Variants in COMMD5 observed in about 807,000 individuals in gnomAD.
COMMD5 encodes the protein COMM domain-containing protein 5.
In COMMD5, 10 loss-of-function variants were observed where a neutral mutation model predicts 6.9. The observed-to-expected ratio is 1.44, with a 90% CI of 0.89 to 2.45. The LOEUF (loss-of-function observed/expected upper bound fraction) is 2.45, where lower values mean the gene tolerates loss of function less well. Among genes scored for constraint, COMMD5 ranks in the 30% most tolerant of loss-of-function variants. COMMD5 has a pLI of 0.00. For synonymous variants in COMMD5, 127 were observed against 125.3 expected (o/e 1.01, Z -0.09); for missense variants, 234 against 287.8 (o/e 0.81, Z 1.35).
At chr8:144,841,831 A>G in intron 1 of COMMD5, 2 of 1,614,218 alleles carry the variant, frequency 1.2e-6, no homozygotes, top group East Asian at 2.2e-5. Flanking sequence ...GAAACATACA[A>G]ATAACTGCCA....
intron 1 of COMMD5, among the ~76,000 whole-genome samples, chr8:144,844,261 A>G (rs1830352133): frequency 6.6e-6 from 1 of 152,162 alleles, no homozygotes; most frequent in African/African-American, 2.4e-5. Flanking sequence ...ACTCAAGCAA[A>G]TGCAAGTACC....
intron 1 of COMMD5, chr8:144,842,618 A>G (rs1318813438): frequency 1.2e-6 from 2 of 1,614,138 alleles, no homozygotes; most frequent in Non-Finnish European, 1.7e-6. Context: ...GACTGTGGAA[A>G]AGCCTTCAGT....
downstream of COMMD5, chr8:144,847,050 T>C (rs912211739): frequency 1.3e-5 from 2 of 152,140 alleles, no homozygotes; most frequent in Non-Finnish European, 1.5e-5. Flanking sequence ...ATCATGTCCA[T>C]GGGGCAGCTT....
rs145425990 is a variant in COMMD5 at position 144,850,852 on chromosome 8, T to G, written c.487A>C (p.Ile163Leu). The G allele has an allele frequency of 1.9e-6, 3 of 1,613,572 alleles. No homozygotes were observed. Among genetic ancestry groups the G allele is most frequent in the Non-Finnish European group, 2.5e-6 (3 of 1,179,960 alleles). The change falls in exon 2 of 2, where the codon ATC becomes CTC. Residue 163 changes from isoleucine (I) to leucine (L), a missense_variant. Transcript: ENST00000305103. The surrounding 1 kb of genome is among the most constrained non-coding windows in gnomAD (Gnocchi z 4.0). The part of the protein sequence containing the change: ...ADFRWRVDVA[I>L]STSALARSLQ... ...GAGCGAGCCAGGGCACTGGTGGAGA[T>G]TGCTACATCCACCCGCCACCGAAAG...
chr8:144,843,134 G>A, intron 1 of COMMD5: 1 of 1,598,374 alleles, frequency 6.3e-7, no homozygotes, highest in Non-Finnish European at 8.5e-7. Flanking sequence ...CGTAGCTCAA[G>A]GCTTACCCAG....
At chr8:144,838,322 A>G (rs1460260657), downstream of COMMD5, 1 of 579,352 alleles carries the variant, frequency 1.7e-6, no homozygotes, top group African/African-American at 1.9e-5. Context: ...ACAAGGTCAC[A>G]TTCTGAGGTG....
chr8:144,841,271 T>C, exon 2 of COMMD5: 1 of 1,410,216 alleles, frequency 7.1e-7, no homozygotes, highest in Non-Finnish European at 9.6e-7. Context: ...CCTGGGAGCC[T>C]TGAGCCCTGG....
chr8:144,844,465 C>G (rs1291400420), intron 1 of COMMD5, among the ~76,000 whole-genome samples: 1 of 151,576 alleles, frequency 6.6e-6, no homozygotes, highest in Non-Finnish European at 1.5e-5. Context: ...AATCCCAGCA[C>G]TTTGGGAGGT....
intron 1 of COMMD5, chr8:144,843,456 C>CGG (rs1586847263): frequency 4.0e-6 from 1 of 247,222 alleles, no homozygotes; most frequent in Non-Finnish European, 7.7e-6. Context: ...GGCGTGGTGG[C>CGG]AGGCACCTGT....
chr8:144,840,105 G>A (rs1296711562), downstream of COMMD5, among the ~76,000 whole-genome samples: 4 of 152,192 alleles, frequency 2.6e-5, no homozygotes, highest in African/African-American at 9.7e-5. Context: ...TGGCCACCCT[G>A]CTCTCTTATC....
At chr8:144,849,318 C>T (rs765535335), downstream of COMMD5, among the ~76,000 whole-genome samples, 1 of 152,170 alleles carries the variant, frequency 6.6e-6, no homozygotes, top group East Asian at 1.9e-4. Context: ...GCTGAGTGAT[C>T]GACCAGATGG....
Position 144,841,496 on chromosome 8 carries a change from T to G in COMMD5, c.*364A>C. 1 of 1,614,162 alleles carries G rather than the reference T, an allele frequency of 6.2e-7. No homozygotes were observed. Among genetic ancestry groups the G allele is most frequent in the Non-Finnish European group, 8.5e-7 (1 of 1,180,032 alleles). On this transcript the variant is annotated 3_prime_UTR_variant and NMD_transcript_variant, in exon 2 of 2. Transcript: ENST00000530332. ...TTTGGAGACGTTTCTGATTCTGAGG[T>G]CTGGTTAGACAGTCATCTGGGCAGT...
downstream of COMMD5, chr8:144,838,302 G>C (rs1438010158): frequency 3.4e-6 from 2 of 584,152 alleles, no homozygotes; most frequent in Middle Eastern, 2.8e-4. Flanking sequence ...TGCAACGACT[G>C]TGTTTCCAAA....
chr8:144,843,090 T>C, intron 1 of COMMD5: 1 of 1,612,730 alleles, frequency 6.2e-7, no homozygotes, highest in Non-Finnish European at 8.5e-7. Flanking sequence ...GGGAGAAGCC[T>C]TATAAATGCA....
chr8:144,850,677 C>A lies in COMMD5; in HGVS notation c.662G>T (p.Arg221Ile). Residue 221 changes from arginine to isoleucine, a missense_variant, in exon 2 of 2, where the codon AGA (arginine) becomes ATA (isoleucine). Transcript: ENST00000305103. This position sits in a 1 kb window ranked among gnomAD's most constrained non-coding sequence, Gnocchi z 4.0. ...TCAAGTGAGGGGTCAGTCCTGCAGT[C>A]TGCGCTCACACCTCTTCTCCAGATC... ...MADLEKRCER[R>I]LQD The A allele has an allele frequency of 1.2e-6, 2 of 1,613,420 alleles. No homozygotes were observed. The highest frequency in any genetic ancestry group is 1.1e-5 in the South Asian group (1 of 91,040).
chr8:144,842,040 T>C (rs770515213), intron 1 of COMMD5: 1 of 1,614,106 alleles, frequency 6.2e-7, no homozygotes, highest in South Asian at 1.1e-5. Flanking sequence ...GTGAGGAATG[T>C]GGAAAAGCTT....
At chr8:144,848,348 G>T (rs868476734), downstream of COMMD5, among the ~76,000 whole-genome samples, 2 of 151,992 alleles carry the variant, frequency 1.3e-5, no homozygotes, top group Middle Eastern at 6.8e-3. Flanking sequence ...AATATCATTG[G>T]AGGCCAGGCT....
chr8:144,850,700 A>G lies in COMMD5; in HGVS notation c.639T>C (p.Asp213=), dbSNP rs766896894. 4 of 1,613,970 alleles carry G rather than the reference A, an allele frequency of 2.5e-6. No homozygotes were observed. Among genetic ancestry groups the G allele is most frequent in the African/African-American group, 1.3e-5 (1 of 75,034 alleles). The change falls in exon 2 of 2, where the codon GAT becomes GAC. Residue 213 remains aspartate (D), a synonymous_variant. Transcript: ENST00000305103. The surrounding 1 kb of genome is among the most constrained non-coding windows in gnomAD (Gnocchi z 4.0). The stretch of plus-strand genomic sequence containing the variant: ...GTCTGCGCTCACACCTCTTCTCCAG[A>G]TCTGCCATCTCCTTTAGGACCAGGG... ...SVALVLKEMA[D]LEKRCERRLQ...
downstream of COMMD5, among the ~76,000 whole-genome samples, chr8:144,839,072 G>GC (rs1162395025): frequency 1.6e-5 from 1 of 61,148 alleles, no homozygotes; most frequent in Non-Finnish European, 3.4e-5. Context: ...ATGCGCCTAG[G>GC]GGCTGTGACC....
Sources: allele counts gnomAD v4.1 joint callset (sites outside exome capture counted in the v4.1 genomes callset), GRCh38; gene constraint gnomAD v4.1.1; non-coding constraint Gnocchi (gnomAD v3.1); transcripts MANE v1.5; gene names NCBI Gene and HGNC (gene_info 2026-07-23, HGNC 2026-07-21).